Variants in SOX5 observed in about 807,000 individuals in gnomAD.
SOX5 encodes the protein SRY-box transcription factor 5, also known as transcription factor SOX-5.
In SOX5, 9 loss-of-function variants were observed where a neutral mutation model predicts 92.0. That is an observed-to-expected ratio of 0.10 (90% CI 0.06 to 0.17). The LOEUF (loss-of-function observed/expected upper bound fraction) is 0.17, where lower values mean the gene tolerates loss of function less well. Ranked by LOEUF, SOX5 falls within the 10% of genes least tolerant of loss-of-function variation. The pLI, the probability that SOX5 is intolerant of heterozygous loss-of-function variation, is 1.00. For missense variants in SOX5, 642 were observed against 944.5 expected, an observed-to-expected ratio of 0.68 and a Z score of 4.20; for synonymous variants, 344 against 336.3, an observed-to-expected ratio of 1.02 and a Z score of -0.25.
At chr12:23,803,235 T>A (rs1204029866) in intron 3 of SOX5, among the ~76,000 whole-genome samples, 1 of 152,172 alleles carries the variant, frequency 6.6e-6, no homozygotes, top group Non-Finnish European at 1.5e-5. Flanking sequence ...TATTTAAGCA[T>A]CTCAGTATGG....
intron 1 of SOX5, among the ~76,000 whole-genome samples, chr12:24,482,379 T>C (rs2137819903): frequency 6.6e-6 from 1 of 152,286 alleles, no homozygotes; most frequent in Admixed American, 6.5e-5. Context: ...TGATAACATA[T>C]TAAGAACAAT....
At chr12:24,022,534 T>C (rs1954414824) in intron 4 of SOX5, among the ~76,000 whole-genome samples, 1 of 152,144 alleles carries the variant, frequency 6.6e-6, no homozygotes, top group Non-Finnish European at 1.5e-5. Context: ...TGTGTAGCCA[T>C]TGTAATTTGC....
At chr12:23,625,803 T>G (rs2077706132) in intron 8 of SOX5, among the ~76,000 whole-genome samples, 1 of 152,124 alleles carries the variant, frequency 6.6e-6, no homozygotes, top group African/African-American at 2.4e-5. Context: ...GAGATGGGGT[T>G]TCACCATGTT....
intron 8 of SOX5, among the ~76,000 whole-genome samples, chr12:23,607,771 T>C (rs755810381): frequency 1.3e-5 from 2 of 152,192 alleles, no homozygotes; most frequent in Non-Finnish European, 2.9e-5. Context: ...TGGAGAACTA[T>C]ACAATCCACT....
At chr12:23,578,144 A>AAAAAAAAAAAAAAG (rs1432589481) in intron 9 of SOX5, among the ~76,000 whole-genome samples, 2 of 134,904 alleles carry the variant, frequency 1.5e-5, no homozygotes, top group Non-Finnish European at 3.2e-5. Context: ...AAAAAAAAAA[A>AAAAAAAAAAAAAAG]AAAAAACTAT....
At chr12:24,250,147 A>G (rs929213911) in intron 3 of SOX5, among the ~76,000 whole-genome samples, 3 of 152,264 alleles carry the variant, frequency 2.0e-5, no homozygotes, top group Non-Finnish European at 2.9e-5. Context: ...GGTTTGAAAT[A>G]CAGTAGAAAA....
chr12:24,445,341 CTG>C (rs1342677210), intron 1 of SOX5, among the ~76,000 whole-genome samples: 1 of 152,000 alleles, frequency 6.6e-6, no homozygotes, highest in African/African-American at 2.4e-5. Context: ...AATTATGTGA[CTG>C]TGTATCAGTT....
intron 2 of SOX5, among the ~76,000 whole-genome samples, chr12:24,294,708 G>T (rs1238779404): frequency 6.6e-6 from 1 of 152,224 alleles, no homozygotes; most frequent in Non-Finnish European, 1.5e-5. Flanking sequence ...GGACTAGATT[G>T]TTACGGTGGC....
At chr12:23,543,186 A>T (rs1215671340) in intron 13 of SOX5, 25 bp downstream of exon 13, 7 of 1,596,886 alleles carry the variant, frequency 4.4e-6, no homozygotes, top group Middle Eastern at 1.7e-4. Context: ...TCCATACGTC[A>T]CTTAGTTCTT....
At chr12:24,556,333 A>G (rs183679681) in intron 1 of SOX5, among the ~76,000 whole-genome samples, 2 of 152,348 alleles carry the variant, frequency 1.3e-5, no homozygotes, top group East Asian at 3.9e-4. Context: ...TTCATTGGGA[A>G]GAGAAAATAA....
chr12:24,407,251 C>A (rs1387705575), intron 1 of SOX5, among the ~76,000 whole-genome samples: 1 of 151,994 alleles, frequency 6.6e-6, no homozygotes, highest in East Asian at 1.9e-4. Context: ...GGCAGCAGTC[C>A]ACAAGTACTG....
At chr12:24,390,402 G>A (rs1017668985) in intron 1 of SOX5, among the ~76,000 whole-genome samples, 3 of 152,090 alleles carry the variant, frequency 2.0e-5, no homozygotes, top group Admixed American at 2.0e-4. Flanking sequence ...AATTAAACCT[G>A]TAATTGACCA....
intron 1 of SOX5, among the ~76,000 whole-genome samples, chr12:23,904,740 G>T (rs1485128202): frequency 7.6e-6 from 1 of 131,856 alleles, no homozygotes; most frequent in Non-Finnish European, 1.8e-5. Context: ...TGTTTACCTT[G>T]CCACATGTTT....
chr12:23,833,216 G>A (rs1023167672), intron 3 of SOX5, among the ~76,000 whole-genome samples: 1 of 152,004 alleles, frequency 6.6e-6, no homozygotes, highest in African/African-American at 2.4e-5. Context: ...AGAAGGAACA[G>A]GAAAGGTCTT....
chr12:23,615,701 A>G (rs953656467), intron 8 of SOX5, among the ~76,000 whole-genome samples: 62 of 152,180 alleles, frequency 4.1e-4, no homozygotes, highest in Middle Eastern at 3.4e-3. Context: ...TTATGGCTGT[A>G]TAGTATTCCA....
At chr12:23,955,537 T>C (rs1946189590), upstream of SOX5, among the ~76,000 whole-genome samples, 1 of 152,216 alleles carries the variant, frequency 6.6e-6, no homozygotes, top group Non-Finnish European at 1.5e-5. Context: ...TTCTGTCTTA[T>C]AGAAAGAATC....
At chr12:24,137,669 C>T (rs1950230578) in intron 4 of SOX5, among the ~76,000 whole-genome samples, 1 of 151,932 alleles carries the variant, frequency 6.6e-6, no homozygotes, top group Non-Finnish European at 1.5e-5. Context: ...AACAAAAAAA[C>T]TCTGTTGTAA....
At chr12:23,869,177 G>T (rs1212591055) in intron 2 of SOX5, among the ~76,000 whole-genome samples, 1 of 152,114 alleles carries the variant, frequency 6.6e-6, no homozygotes, top group Non-Finnish European at 1.5e-5. Context: ...TTAGCTAAAT[G>T]TTATTTCCTT....
intron 1 of SOX5, among the ~76,000 whole-genome samples, chr12:23,935,966 T>C (rs1402914902): frequency 6.6e-6 from 1 of 151,060 alleles, no homozygotes; most frequent in African/African-American, 2.4e-5. Context: ...TTTCCACTTA[T>C]TACCTAGAAA....
Sources: gnomAD v4.1 joint callset for allele counts (sites outside exome capture counted in the v4.1 genomes callset) on GRCh38, gnomAD v4.1.1 for gene constraint, MANE v1.5 for transcripts, NCBI Gene and HGNC (gene_info 2026-07-23, HGNC 2026-07-21) for gene names.